ASIC2: variants seen among roughly 807,000 people sequenced by gnomAD.
The protein encoded by ASIC2 is acid-sensing ion channel 2.
Under a neutral mutation model 57.3 loss-of-function variants are expected in ASIC2, and 25 were observed. The observed-to-expected ratio is 0.44, with a 90% CI of 0.32 to 0.61. ASIC2 has a LOEUF of 0.61. Among genes scored for constraint, ASIC2 ranks in the 20% least tolerant of loss-of-function variants. The probability of loss-of-function intolerance (pLI) is 0.06; values close to 1 mark genes in which losing one functional copy is unlikely to be tolerated. For missense variants in ASIC2, 641 were observed against 738.1 expected (o/e 0.87, Z 1.52); for synonymous variants, 319 against 307.5 (o/e 1.04, Z -0.39).
intron 3 of ASIC2, among the ~76,000 whole-genome samples, chr17:33,036,397 A>C (rs1342461317): frequency 6.6e-6 from 1 of 152,078 alleles, no homozygotes; most frequent in Non-Finnish European, 1.5e-5. Flanking sequence ...GGGATGGAGA[A>C]ACCCTCCATG....
chr17:33,503,282 T>C (rs921049716), intron 1 of ASIC2, among the ~76,000 whole-genome samples: 3 of 152,152 alleles, frequency 2.0e-5, no homozygotes, highest in South Asian at 2.1e-4. Context: ...ACAGGCAAAA[T>C]GCTACTTTCT....
chr17:34,123,441 T>C (rs1053323285), intron 1 of ASIC2, among the ~76,000 whole-genome samples: 1 of 152,142 alleles, frequency 6.6e-6, no homozygotes, highest in Admixed American at 6.5e-5. Context: ...GCCAGACTCC[T>C]GGGGAATGGC....
intron 1 of ASIC2, among the ~76,000 whole-genome samples, chr17:34,031,583 G>T (rs1031358261): frequency 6.6e-6 from 1 of 152,058 alleles, no homozygotes; most frequent in African/African-American, 2.4e-5. Flanking sequence ...GAGGAAATTC[G>T]AACCAATGGC....
At chr17:33,650,799 A>G (rs573312581) in intron 1 of ASIC2, among the ~76,000 whole-genome samples, 107 of 152,308 alleles carry the variant, frequency 7.0e-4, no homozygotes, top group Non-Finnish European at 1.1e-3. Flanking sequence ...AGCAGAACAG[A>G]TTAGTGGCTC....
At chr17:33,912,870 A>T (rs1915498595) in intron 1 of ASIC2, among the ~76,000 whole-genome samples, 1 of 151,418 alleles carries the variant, frequency 6.6e-6, no homozygotes, top group Non-Finnish European at 1.5e-5. Context: ...TCCCAGCTAC[A>T]CTGGAGGCTG....
chr17:33,561,160 G>A (rs1916061602), intron 1 of ASIC2, among the ~76,000 whole-genome samples: 1 of 152,102 alleles, frequency 6.6e-6, no homozygotes, highest in Admixed American at 6.6e-5. Flanking sequence ...CTCATTACTG[G>A]TAAGAATTCT....
rs116617386 is a variant in ASIC2 at position 33,596,783 on chromosome 17, C to A, written c.556-484716G>T. Among the ~76,000 whole-genome samples, 239 of 152,290 alleles carry A rather than the reference C, an allele frequency of 1.6e-3. 1 individual carries two copies. The highest frequency in any genetic ancestry group is 5.3e-3 in the African/African-American group (221 of 41,570). ...GCCATCTTTTATGCTAACAGAGTGG[C>A]TTATGCTCTTGAAAGCCTTTTCATA... On this transcript the variant is annotated intron_variant, in intron 1 of 9. Transcript: ENST00000359872.
At chr17:33,138,821 T>A (rs573239848) in intron 1 of ASIC2, among the ~76,000 whole-genome samples, 3 of 152,230 alleles carry the variant, frequency 2.0e-5, no homozygotes, top group Non-Finnish European at 4.4e-5. Context: ...CTATCTTGAA[T>A]TGACATTTTA....
intron 1 of ASIC2, among the ~76,000 whole-genome samples, chr17:33,339,169 C>T (rs977235620): frequency 2.0e-5 from 3 of 152,060 alleles, no homozygotes; most frequent in Admixed American, 6.6e-5. Context: ...TTGAGAAACA[C>T]AGGGCTGGAG....
intron 3 of ASIC2, among the ~76,000 whole-genome samples, chr17:33,071,034 ATT>A (rs1375706525): frequency 1.3e-5 from 2 of 151,204 alleles, no homozygotes; most frequent in Non-Finnish European, 2.9e-5. Flanking sequence ...CGCTTTTAAC[ATT>A]TTCTTTTATA....
intron 1 of ASIC2, among the ~76,000 whole-genome samples, chr17:33,359,265 T>C: frequency 6.6e-6 from 1 of 152,300 alleles, no homozygotes; most frequent in Middle Eastern, 3.4e-3. Flanking sequence ...AGAATTTGGT[T>C]CTAAGGTTGA....
chr17:33,207,382 A>G (rs961895966), intron 1 of ASIC2, among the ~76,000 whole-genome samples: 6 of 152,248 alleles, frequency 3.9e-5, no homozygotes, highest in Non-Finnish European at 7.3e-5. Context: ...TAACATCTAA[A>G]GTCTATACCC....
chr17:33,987,825 G>T (rs982585254), intron 1 of ASIC2, among the ~76,000 whole-genome samples: 40 of 152,096 alleles, frequency 2.6e-4, no homozygotes, highest in African/African-American at 9.7e-4. Context: ...TTAGGCTCAA[G>T]AAATAACATG....
chr17:33,355,787 A>G (rs1399360433), intron 1 of ASIC2, among the ~76,000 whole-genome samples: 1 of 152,030 alleles, frequency 6.6e-6, no homozygotes, highest in East Asian at 1.9e-4. Context: ...TTCTTTCAAC[A>G]TTTTTTGCAT....
At chr17:33,077,082 C>T (rs2092091759) in intron 3 of ASIC2, among the ~76,000 whole-genome samples, 1 of 152,082 alleles carries the variant, frequency 6.6e-6, no homozygotes, top group African/African-American at 2.4e-5. Flanking sequence ...CAGCTGCCCT[C>T]TCTAAGAGAT....
rs76422990 is a variant in ASIC2 at position 33,923,390 on chromosome 17, T to C, written c.555+232588A>G. On this transcript the variant is annotated intron_variant, in intron 1 of 9. Transcript: ENST00000359872. ...TGAACTAATATTGTTGGAAGAAACT[T>C]TATTCATCACCCAGTCCAAGGGTCT... is the stretch of plus-strand genomic sequence containing the variant. Among the ~76,000 whole-genome samples, 392 of 152,254 alleles carry C rather than the reference T, an allele frequency of 2.6e-3. 1 individual carries two copies. Among genetic ancestry groups the C allele is most frequent in the African/African-American group, 9.0e-3 (375 of 41,544 alleles).
At chr17:33,934,619 G>T (rs191234833) in intron 1 of ASIC2, among the ~76,000 whole-genome samples, 9 of 152,328 alleles carry the variant, frequency 5.9e-5, no homozygotes, top group Admixed American at 5.9e-4. Context: ...CAAGGCCAAT[G>T]CTGCCAATTT....
intron 1 of ASIC2, among the ~76,000 whole-genome samples, chr17:33,573,937 C>T (rs1916535967): frequency 6.6e-6 from 1 of 152,194 alleles, no homozygotes; most frequent in African/African-American, 2.4e-5. Flanking sequence ...CTGCCCTCAA[C>T]ATCAAGTTTC....
At chr17:33,220,723 T>C (rs944634209) in intron 1 of ASIC2, among the ~76,000 whole-genome samples, 8 of 152,134 alleles carry the variant, frequency 5.3e-5, no homozygotes, top group African/African-American at 1.9e-4. Context: ...AGCTTTCTAG[T>C]ACTCTCCTCT....
Sources: gnomAD v4.1 joint callset for allele counts (sites outside exome capture counted in the v4.1 genomes callset) on GRCh38, gnomAD v4.1.1 for gene constraint, MANE v1.5 for transcripts, NCBI Gene and HGNC (gene_info 2026-07-23, HGNC 2026-07-21) for gene names.